Variants in TENM3 observed in about 807,000 individuals in gnomAD.
TENM3 encodes teneurin transmembrane protein 3.
In TENM3, 63 loss-of-function variants were observed where a neutral mutation model predicts 255.1. The observed-to-expected ratio is 0.25, with a 90% confidence interval of 0.20 to 0.30. TENM3 has a LOEUF of 0.30. TENM3 is among the 10% of genes least tolerant of loss of function. TENM3 has a pLI of 1.00. For synonymous variants in TENM3, 1,306 were observed against 1,322.3 expected (o/e 0.99, Z 0.27); for missense variants, 2,929 against 3,461.1 (o/e 0.85, Z 3.86).
At chr4:182,076,616 A>G in the TENM3 span, among the ~76,000 whole-genome samples, 21 of 152,248 alleles carry the variant, frequency 1.4e-4, no homozygotes, top group African/African-American at 4.1e-4. Context: ...CCACTCTTCT[A>G]TGAAGCTTCT....
At chr4:182,645,835 A>G (rs1388081422) in intron 5 of TENM3, among the ~76,000 whole-genome samples, 1 of 152,224 alleles carries the variant, frequency 6.6e-6, no homozygotes, top group African/African-American at 2.4e-5. Context: ...GAGACATTGC[A>G]TTATTTCTGC....
At chr4:182,748,090 T>TA (rs1471231348) in intron 19 of TENM3, among the ~76,000 whole-genome samples, 3 of 152,236 alleles carry the variant, frequency 2.0e-5, no homozygotes, top group Admixed American at 2.0e-4. Context: ...AGCCTGCACT[T>TA]ACCACTGGAT....
the TENM3 span, among the ~76,000 whole-genome samples, chr4:181,805,650 C>T: frequency 6.6e-6 from 1 of 151,880 alleles, no homozygotes; most frequent in Non-Finnish European, 1.5e-5. Context: ...CTGTTCCCTC[C>T]ACCATGAGGG....
chr4:182,014,045 T>TACAC, the TENM3 span, among the ~76,000 whole-genome samples: 1 of 35,940 alleles, frequency 2.8e-5, no homozygotes, highest in Non-Finnish European at 5.8e-5. Context: ...CATATATACG[T>TACAC]ATATATACGT....
Position 182,679,685 on chromosome 4 carries a change from T to C in TENM3, c.1346T>C (p.Leu449Pro). Reference protein sequence around the residue: ...SHTQYDFVELLDGSRLIAREQ... With the variant: ...SHTQYDFVELPDGSRLIAREQ... Reference sequence around the variant, plus strand: ...CCCCAGTATGACTTCGTGGAGCTCCTGGATGGCAGCAGGCTGATTGCCAGA... The same window carrying C: ...CCCCAGTATGACTTCGTGGAGCTCCCGGATGGCAGCAGGCTGATTGCCAGA... The change falls in exon 8 of 28, where the codon CTG becomes CCG. Residue 449 changes from leucine to proline, a missense_variant. Leu to Pro is a moderately conservative substitution (Grantham distance 98). Coordinates refer to ENST00000511685, the MANE Select transcript of TENM3 (RefSeq NM_001080477.4). 1 of 1,612,676 alleles carries C rather than the reference T, an allele frequency of 6.2e-7. No individual in the cohort carries two copies. Among genetic ancestry groups the C allele is most frequent in the Non-Finnish European group, 8.5e-7 (1 of 1,179,718 alleles).
At chr4:181,987,863 C>T in the TENM3 span, among the ~76,000 whole-genome samples, 20 of 151,862 alleles carry the variant, frequency 1.3e-4, no homozygotes, top group South Asian at 4.2e-3. Context: ...ATTGAGCTCA[C>T]GGGGTAAGGC....
chr4:181,914,125 C>A, the TENM3 span, among the ~76,000 whole-genome samples: 3 of 152,198 alleles, frequency 2.0e-5, no homozygotes, highest in Admixed American at 1.3e-4. Flanking sequence ...GATATCACTC[C>A]TTTGGTTAAA....
chr4:182,731,557 C>T (rs965845065), intron 16 of TENM3, among the ~76,000 whole-genome samples: 2 of 151,756 alleles, frequency 1.3e-5, no homozygotes, highest in Non-Finnish European at 1.5e-5. Context: ...TTATAGAATT[C>T]CAGTGCTATC....
chr4:181,900,711 A>C, the TENM3 span, among the ~76,000 whole-genome samples: 1 of 152,218 alleles, frequency 6.6e-6, no homozygotes, highest in Non-Finnish European at 1.5e-5. Context: ...CTCAGTGTGA[A>C]GTGCAACAAA....
chr4:181,839,714 ATCT>A, the TENM3 span, among the ~76,000 whole-genome samples: 38 of 151,622 alleles, frequency 2.5e-4, no homozygotes, highest in African/African-American at 8.7e-4. Flanking sequence ...ATATATTATC[ATCT>A]TCTTTGGTCT....
chr4:181,638,947 C>A, the TENM3 span, among the ~76,000 whole-genome samples: 1 of 152,174 alleles, frequency 6.6e-6, no homozygotes, highest in East Asian at 1.9e-4. Flanking sequence ...CATGAAGCTG[C>A]AGAACTTATT....
At chr4:182,579,650 A>G (rs1302995401) in intron 3 of TENM3, among the ~76,000 whole-genome samples, 2 of 152,218 alleles carry the variant, frequency 1.3e-5, no homozygotes, top group Admixed American at 1.3e-4. Flanking sequence ...AAGAGTAATG[A>G]CATTACATTG....
At chr4:182,388,484 T>C (rs1768167763) in intron 3 of TENM3, among the ~76,000 whole-genome samples, 2 of 152,224 alleles carry the variant, frequency 1.3e-5, no homozygotes, top group South Asian at 4.1e-4. Flanking sequence ...TGTGCTTGAG[T>C]ACTAACCACA....
chr4:182,100,710 CACAT>C, the TENM3 span, among the ~76,000 whole-genome samples: 1 of 44,744 alleles, frequency 2.2e-5, no homozygotes, highest in African/African-American at 7.6e-5. Flanking sequence ...TATATATACA[CACAT>C]ATATATACAC....
the TENM3 span, among the ~76,000 whole-genome samples, chr4:181,809,993 A>T: frequency 1.3e-5 from 2 of 152,202 alleles, no homozygotes; most frequent in African/African-American, 4.8e-5. Context: ...ATAAGAGCGT[A>T]CATTTGTGTT....
At chr4:181,720,246 A>T in the TENM3 span, among the ~76,000 whole-genome samples, 4 of 152,250 alleles carry the variant, frequency 2.6e-5, no homozygotes, top group Non-Finnish European at 5.9e-5. Context: ...TTGATAATAG[A>T]CTAAGAATAA....
chr4:182,220,301 C>T (rs146185622), intron 1 of TENM3, among the ~76,000 whole-genome samples: 9,868 of 138,028 alleles, frequency 0.071, 362 homozygotes, highest in East Asian at 0.17. Flanking sequence ...CGCTTGAACC[C>T]GGGAGGCGGA....
chr4:182,332,616 C>T (rs2150560832), intron 2 of TENM3, among the ~76,000 whole-genome samples: 1 of 151,612 alleles, frequency 6.6e-6, no homozygotes, highest in East Asian at 1.9e-4. Context: ...ATGGCGTGAA[C>T]CCGGGAGGTG....
intron 1 of TENM3, among the ~76,000 whole-genome samples, chr4:182,255,678 T>G (rs1382350825): frequency 6.6e-6 from 1 of 152,014 alleles, no homozygotes; most frequent in Non-Finnish European, 1.5e-5. Context: ...CCAGAGAGAT[T>G]TTTTCCTGGG....
Sources: gnomAD v4.1 joint callset for allele counts (sites outside exome capture counted in the v4.1 genomes callset) on GRCh38, gnomAD v4.1.1 for gene constraint, MANE v1.5 for transcripts, NCBI Gene and HGNC (gene_info 2026-07-23, HGNC 2026-07-21) for gene names.